Variants in FSCN1 observed in about 807,000 individuals in gnomAD.
FSCN1 encodes the protein fascin actin-bundling protein 1, also known as fascin.
In FSCN1, 10 loss-of-function variants were observed where a neutral mutation model predicts 39.7. That is an observed-to-expected ratio of 0.25 (90% CI 0.16 to 0.43). FSCN1 has a LOEUF of 0.43. FSCN1 is among the 20% of genes least tolerant of loss of function. The pLI, the probability that FSCN1 is intolerant of heterozygous loss-of-function variation, is 1.00. For synonymous variants in FSCN1, 322 were observed against 320.0 expected, an observed-to-expected ratio of 1.01 and a Z score of -0.07; for missense variants, 525 against 723.8, an observed-to-expected ratio of 0.73 and a Z score of 3.15.
chr7:5,605,309 C>T lies in FSCN1; in HGVS notation c.1317C>T (p.Ser439=), dbSNP rs776275711. The stretch of plus-strand genomic sequence containing the variant: ...AATACTGGACGGTGGGCAGTGACTC[C>T]GCGGTCACCAGCAGCGGCGACACTC... ...TGKYWTVGSD[S]AVTSSGDTPV... is the part of the protein sequence containing the mutation. The change falls in exon 5 of 5, where the codon TCC becomes TCT. Residue 439 remains serine, a synonymous_variant. Transcript: ENST00000382361. This position sits in a 1 kb window ranked among gnomAD's most constrained non-coding sequence, Gnocchi z 6.9. 1.4e-5 allele frequency: 22 copies of T among 1,613,688 alleles called. No homozygotes were observed. The highest frequency in any genetic ancestry group is 1.3e-4 in the South Asian group (12 of 91,086).
chr7:5,594,220 C>T (rs1010741377), intron 1 of FSCN1, among the ~76,000 whole-genome samples: 103 of 152,312 alleles, frequency 6.8e-4, no homozygotes, highest in African/African-American at 2.5e-3. Flanking sequence ...GGCGCGCCTC[C>T]ACCCCCACCG....
At position 5,605,055 on chromosome 7, in the gene FSCN1, G is replaced by C. The variant is rs150131269; in HGVS notation, c.1280-217G>C. ...CCCAAAGTGCTGGGATTACAGGCGTGAGCCACTGCGGCCGAGCAGAACACG... is the reference window on the plus strand; with the variant it reads ...CCCAAAGTGCTGGGATTACAGGCGTCAGCCACTGCGGCCGAGCAGAACACG... On this transcript the variant is annotated intron_variant, in intron 4 of 4. Transcript: ENST00000382361. This position sits in a 1 kb window ranked among gnomAD's most constrained non-coding sequence, Gnocchi z 6.9. Among the ~76,000 whole-genome samples the C allele has an allele frequency of 1.2e-4, 18 of 152,328 alleles. No homozygotes were observed. Among genetic ancestry groups the C allele is most frequent in the Admixed American group, 9.1e-4 (14 of 15,304 alleles).
chr7:5,600,110 TATA>T (rs1785798753), intron 1 of FSCN1, among the ~76,000 whole-genome samples: 1 of 152,044 alleles, frequency 6.6e-6, no homozygotes, highest in African/African-American at 2.4e-5. Context: ...GCAATGTAGT[TATA>T]ATGAATAGCA....
In FSCN1 at chr7:5,605,490, C is replaced by G; in HGVS notation, c.*16C>G. The G allele has an allele frequency of 6.6e-7, 1 of 1,522,216 alleles. No individual in the cohort carries two copies. The highest frequency in any genetic ancestry group is 8.9e-7 in the Non-Finnish European group (1 of 1,126,404). The allele number at this position is 1,522,216 out of a possible 1,614,324, so 94.3% of individuals were successfully genotyped here. A position where few individuals can be genotyped will look rare whatever the true frequency, so the allele number is the denominator to read the frequency against. On this transcript the variant is annotated 3_prime_UTR_variant, in exon 5 of 5. Coordinates refer to ENST00000382361, the MANE Select transcript of FSCN1 (RefSeq NM_003088.4). The surrounding 1 kb of genome is among the most constrained non-coding windows in gnomAD (Gnocchi z 6.9). Reference sequence around the variant, plus strand: ...GGAGTACTAGGGCCGGCCCGTCCTTCCCCGCCCCTGCCCACATGGCGGCTC... The same window carrying G: ...GGAGTACTAGGGCCGGCCCGTCCTTGCCCGCCCCTGCCCACATGGCGGCTC...
In FSCN1 at chr7:5,593,425, C is replaced by T. The variant is rs538444191; in HGVS notation, c.489C>T (p.Ile163=). The T allele has an allele frequency of 6.2e-6, 10 of 1,612,092 alleles. No homozygotes were observed. In the African/African-American group the frequency reaches 1.2e-4, roughly 19 times the overall value. The change falls in exon 1 of 5, where the codon ATC becomes ATT. Residue 163 remains isoleucine, a synonymous_variant. Coordinates refer to ENST00000382361, the MANE Select transcript of FSCN1 (RefSeq NM_003088.4). The part of the protein sequence containing the change: ...AHLSARPADE[I]AVDRDVPWGV... ...TGAGCGCGCGGCCGGCCGACGAGAT[C>T]GCCGTGGACCGCGACGTGCCCTGGG...
In FSCN1 at chr7:5,598,836, A is replaced by G. The variant is rs1051147894; in HGVS notation, c.833-4421A>G. Among the ~76,000 whole-genome samples, 48 of 152,304 alleles carry G rather than the reference A, an allele frequency of 3.2e-4. 1 individual carries two copies. The highest frequency in any genetic ancestry group is 1.1e-3 in the African/African-American group (47 of 41,568). On this transcript the variant is annotated intron_variant, in intron 1 of 4. Transcript: ENST00000382361. ...ATCAGCGGGGCTTCAGCGGAGCCCCAGCGCATTGGACAGGTGGTGCTCTGT... is the reference window on the plus strand; with the variant it reads ...ATCAGCGGGGCTTCAGCGGAGCCCCGGCGCATTGGACAGGTGGTGCTCTGT...
At chr7:5,596,704 C>A (rs777617445) in intron 1 of FSCN1, among the ~76,000 whole-genome samples, 1 of 152,182 alleles carries the variant, frequency 6.6e-6, no homozygotes, top group African/African-American at 2.4e-5. Flanking sequence ...ATGCCCTCTC[C>A]CAGCCACTCT....
At chr7:5,602,615 A>G (rs978133779) in intron 1 of FSCN1, among the ~76,000 whole-genome samples, 2 of 152,224 alleles carry the variant, frequency 1.3e-5, no homozygotes, top group Non-Finnish European at 2.9e-5. Context: ...ATCAACAGTA[A>G]TCAATGCTTA....
chr7:5,602,058 C>T (rs1410774388), intron 1 of FSCN1, among the ~76,000 whole-genome samples: 1 of 151,610 alleles, frequency 6.6e-6, no homozygotes, highest in African/African-American at 2.4e-5. Context: ...GATTCTCCTG[C>T]CTCAGCCTCA....
chr7:5,603,218 G>T lies in FSCN1; in HGVS notation c.833-39G>T, dbSNP rs763887424. 1 of 1,608,114 alleles carries T rather than the reference G, an allele frequency of 6.2e-7. No individual in the cohort carries two copies. On this transcript the variant is annotated intron_variant, in intron 1 of 4. Coordinates refer to ENST00000382361, the MANE Select transcript of FSCN1 (RefSeq NM_003088.4). This position sits in a 1 kb window ranked among gnomAD's most constrained non-coding sequence, Gnocchi z 8.5. ...CTATGGTCTGCCAGAACTAGGGGGC[G>T]TGGGGCCCCAGTACCAGCCCAAGGC...
chr7:5,599,115 C>G lies in FSCN1; in HGVS notation c.833-4142C>G, dbSNP rs1289903487. 2.9e-4 allele frequency among the ~76,000 whole-genome samples: 1 copy of G among 3,488 alleles called. No homozygotes were observed. The highest frequency in any genetic ancestry group is 5.0e-4 in the Non-Finnish European group (1 of 2,002). The allele number at this position is 3,488 out of a possible 152,430, so 2.3% of individuals were successfully genotyped here. A position where few individuals can be genotyped will look rare whatever the true frequency, so the allele number is the denominator to read the frequency against. On this transcript the variant is annotated intron_variant, in intron 1 of 4. Coordinates refer to ENST00000382361, the MANE Select transcript of FSCN1 (RefSeq NM_003088.4). The surrounding 1 kb of genome is among the most constrained non-coding windows in gnomAD (Gnocchi z 5.6). ...CCTGGGGTGTGGCCTTAGGATGGTC[C>G]CGGCACCCTGGGACCCAGCCCCTGC...
chr7:5,595,440 T>A (rs1026106576), intron 1 of FSCN1, among the ~76,000 whole-genome samples: 2 of 152,220 alleles, frequency 1.3e-5, no homozygotes, highest in African/African-American at 4.8e-5. Context: ...CATTGAGCCC[T>A]ACTAAGGGGA....
intron 1 of FSCN1, among the ~76,000 whole-genome samples, chr7:5,600,213 A>G (rs1785800230): frequency 6.6e-6 from 1 of 152,032 alleles, no homozygotes; most frequent in Non-Finnish European, 1.5e-5. Context: ...GGAGTTTGAG[A>G]CCGGCCTGGC....
At chr7:5,598,478 G>T (rs1367804084) in intron 1 of FSCN1, among the ~76,000 whole-genome samples, 1 of 152,370 alleles carries the variant, frequency 6.6e-6, no homozygotes, top group African/African-American at 2.4e-5. Flanking sequence ...GCTGCCGCCA[G>T]TTAAGCCCTG....
intron 1 of FSCN1, among the ~76,000 whole-genome samples, chr7:5,600,496 C>T (rs1785805576): frequency 6.6e-6 from 1 of 152,116 alleles, no homozygotes; most frequent in Admixed American, 6.5e-5. Flanking sequence ...ATAGAGATCC[C>T]TGGGGTCCTA....
In FSCN1 at chr7:5,599,740, A is replaced by C. The variant is rs1420354237; in HGVS notation, c.833-3517A>C. On this transcript the variant is annotated intron_variant, in intron 1 of 4. Transcript: ENST00000382361. The surrounding 1 kb of genome is among the most constrained non-coding windows in gnomAD (Gnocchi z 5.6). ...AGGATCCTTTGAGCCCAGGAGGTGG[A>C]GGCTGTAGAGAGCCATGCTTGGGCC... Among the ~76,000 whole-genome samples, 1 of 152,030 alleles carries C rather than the reference A, an allele frequency of 6.6e-6. No homozygotes were observed. Among genetic ancestry groups the C allele is most frequent in the Non-Finnish European group, 1.5e-5 (1 of 67,988 alleles).
intron 1 of FSCN1, among the ~76,000 whole-genome samples, chr7:5,601,901 T>A (rs1278192007): frequency 6.6e-6 from 1 of 151,992 alleles, no homozygotes; most frequent in Non-Finnish European, 1.5e-5. Context: ...GAAGGGGACG[T>A]GTAGGACTTC....
At chr7:5,593,918 C>A (rs1785679984) in intron 1 of FSCN1, 150 bp downstream of exon 1, 4 of 603,468 alleles carry the variant, frequency 6.6e-6, no homozygotes, top group Non-Finnish European at 1.1e-5. Flanking sequence ...GCGGGCTACC[C>A]CGCCTGGAGG....
intron 1 of FSCN1, chr7:5,594,054 C>A (rs1418388747): frequency 4.8e-6 from 2 of 414,666 alleles, no homozygotes; most frequent in East Asian, 4.1e-5. Flanking sequence ...AACCCCCCCC[C>A]CCGCCCAATC....
Sources: gnomAD v4.1 joint callset for allele counts (sites outside exome capture counted in the v4.1 genomes callset) on GRCh38, gnomAD v4.1.1 for gene constraint, Gnocchi (gnomAD v3.1) non-coding constraint, MANE v1.5 for transcripts, NCBI Gene and HGNC (gene_info 2026-07-23, HGNC 2026-07-21) for gene names.